Variants in STMN2 observed in about 807,000 individuals in gnomAD.
STMN2 encodes the protein stathmin 2.
A neutral mutation model predicts 24.1 loss-of-function variants in STMN2; 2 were observed. The ratio of observed to expected loss-of-function variants is 0.08; its 90% confidence interval spans 0.03 to 0.26. The LOEUF (loss-of-function observed/expected upper bound fraction) is 0.26, where lower values mean the gene tolerates loss of function less well. Ranked by LOEUF, STMN2 falls within the 10% of genes least tolerant of loss-of-function variation. The pLI is 1.00. For missense variants in STMN2, 114 were observed against 213.6 expected (o/e 0.53, Z 2.91); for synonymous variants, 83 against 77.5 (o/e 1.07, Z -0.37).
intron 3 of STMN2, among the ~76,000 whole-genome samples, chr8:79,649,390 G>A (rs1810285680): frequency 6.6e-6 from 1 of 151,926 alleles, no homozygotes; most frequent in African/African-American, 2.4e-5. Context: ...CATTCTAAAG[G>A]TCTTAGGATT....
At chr8:79,648,111 T>C (rs1810254345) in intron 3 of STMN2, among the ~76,000 whole-genome samples, 1 of 152,234 alleles carries the variant, frequency 6.6e-6, no homozygotes, top group African/African-American at 2.4e-5. Context: ...CTTTAAAATA[T>C]TGTCTTTAAG....
intron 1 of STMN2, among the ~76,000 whole-genome samples, chr8:79,616,319 A>G (rs190873426): frequency 6.6e-6 from 1 of 152,386 alleles, no homozygotes; most frequent in Non-Finnish European, 1.5e-5. Flanking sequence ...TGTTAATTTT[A>G]ACGAAGTAAG....
At chr8:79,619,621 G>A (rs994340022) in intron 1 of STMN2, among the ~76,000 whole-genome samples, 1 of 152,070 alleles carries the variant, frequency 6.6e-6, no homozygotes, top group African/African-American at 2.4e-5. Flanking sequence ...GCACTTTTAG[G>A]ATAGACTTAT....
intron 4 of STMN2, 64 bp from the exon 5 acceptor site, chr8:79,664,751 A>AAGGTTACTTCTAGTCAAGGTTACTTC (rs1806566390): frequency 6.5e-7 from 1 of 1,536,720 alleles, no homozygotes; most frequent in African/African-American, 1.4e-5. Flanking sequence ...AGTCAAGCGC[A>AAGGTTACTTCTAGTCAAGGTTACTTC]TGGTACGCAA....
intron 1 of STMN2, among the ~76,000 whole-genome samples, chr8:79,612,635 C>T (rs1052934214): frequency 9.2e-5 from 14 of 152,134 alleles, no homozygotes; most frequent in Non-Finnish European, 1.5e-4. Flanking sequence ...ACGGTTCTGG[C>T]GCTCAGTGGC....
intron 1 of STMN2, among the ~76,000 whole-genome samples, chr8:79,635,875 C>T (rs943217902): frequency 6.6e-6 from 1 of 151,586 alleles, no homozygotes; most frequent in African/African-American, 2.4e-5. Flanking sequence ...AAAGACTGCA[C>T]ATATACCCCT....
At chr8:79,656,330 T>C (rs775502011) in intron 4 of STMN2, among the ~76,000 whole-genome samples, 2 of 152,190 alleles carry the variant, frequency 1.3e-5, no homozygotes, top group Non-Finnish European at 2.9e-5. Flanking sequence ...AGTTACCTGA[T>C]GCCTTATCCG....
intron 1 of STMN2, among the ~76,000 whole-genome samples, chr8:79,621,788 GTACT>G (rs1809521508): frequency 6.6e-6 from 1 of 152,148 alleles, no homozygotes; most frequent in South Asian, 2.1e-4. Flanking sequence ...ATAAAACTCA[GTACT>G]TACTTTGCTT....
chr8:79,611,150 C>A lies in STMN2; in HGVS notation c.-46C>A. On this transcript the variant is annotated 5_prime_UTR_variant, in exon 1 of 5. Transcript: ENST00000220876. ...CTCTCGCTCTCTCCGCTGCTGTAGC[C>A]GGACCCTTTGCCTTCGCCACTGCTC... is the stretch of plus-strand genomic sequence containing the variant. The A allele has an allele frequency of 1.2e-6, 2 of 1,613,668 alleles. No individual in the cohort carries two copies. Among genetic ancestry groups the A allele is most frequent in the South Asian group, 1.1e-5 (1 of 91,018 alleles).
At chr8:79,650,259 C>T (rs990244759) in intron 3 of STMN2, among the ~76,000 whole-genome samples, 1 of 152,164 alleles carries the variant, frequency 6.6e-6, no homozygotes, top group African/African-American at 2.4e-5. Context: ...TTTTTAACAA[C>T]TTTTAGCGAT....
intron 1 of STMN2, among the ~76,000 whole-genome samples, chr8:79,619,422 G>A (rs1242880271): frequency 6.6e-6 from 1 of 152,024 alleles, no homozygotes; most frequent in East Asian, 1.9e-4. Context: ...CATTAACAAA[G>A]CTGCTCACAG....
intron 3 of STMN2, among the ~76,000 whole-genome samples, chr8:79,644,442 C>T (rs868325943): frequency 3.3e-5 from 5 of 152,292 alleles, no homozygotes; most frequent in East Asian, 3.9e-4. Flanking sequence ...ACAAAAGTCC[C>T]GAAATTGAGT....
chr8:79,641,665 C>CACAT (rs773727938), intron 3 of STMN2, 115 bp downstream of exon 3: 1 of 775,438 alleles, frequency 1.3e-6, no homozygotes. Flanking sequence ...CACACACACA[C>CACAT]ACACACATAC....
chr8:79,648,453 C>CTTTTTTTTTTTT, intron 3 of STMN2, among the ~76,000 whole-genome samples: 1 of 97,914 alleles, frequency 1.0e-5, no homozygotes, highest in Non-Finnish European at 1.9e-5. Flanking sequence ...ATATACGTTG[C>CTTTTTTTTTTTT]TTTTTTTTTT....
intron 3 of STMN2, among the ~76,000 whole-genome samples, chr8:79,649,925 G>A (rs1765623002): frequency 2.0e-5 from 3 of 152,062 alleles, no homozygotes; most frequent in Non-Finnish European, 4.4e-5. Context: ...CTCCTTTCCT[G>A]TCTCATTGTT....
chr8:79,621,621 C>T (rs769643346), intron 1 of STMN2, among the ~76,000 whole-genome samples: 1 of 152,174 alleles, frequency 6.6e-6, no homozygotes, highest in Non-Finnish European at 1.5e-5. Flanking sequence ...TTGTTACAGT[C>T]AATCCACATC....
intron 1 of STMN2, among the ~76,000 whole-genome samples, chr8:79,624,928 C>A (rs1255863261): frequency 6.6e-6 from 1 of 152,200 alleles, no homozygotes; most frequent in Non-Finnish European, 1.5e-5. Flanking sequence ...TGTTATTTAT[C>A]ATTCACCTGC....
Position 79,618,373 on chromosome 8 carries a change from T to C in STMN2, c.19+7159T>C, listed in dbSNP as rs550577979. 3.3e-5 allele frequency among the ~76,000 whole-genome samples: 5 copies of C among 152,266 alleles called. No individual in the cohort carries two copies. The East Asian group carries it at 9.7e-4, about 29-fold the overall frequency. The stretch of plus-strand genomic sequence containing the variant: ...GGTGGGAACACACTCTGATGACCAG[T>C]TCCAGAAATAACATTGACTTAATCT... On this transcript the variant is annotated intron_variant, in intron 1 of 4. Coordinates refer to ENST00000220876, the MANE Select transcript of STMN2 (RefSeq NM_007029.4).
At chr8:79,628,215 G>A (rs1809707272) in intron 1 of STMN2, among the ~76,000 whole-genome samples, 1 of 151,912 alleles carries the variant, frequency 6.6e-6, no homozygotes, top group Non-Finnish European at 1.5e-5. Flanking sequence ...CCAGGCTGGA[G>A]TACAGTGGTG....
Sources: allele counts gnomAD v4.1 joint callset (sites outside exome capture counted in the v4.1 genomes callset), GRCh38; gene constraint gnomAD v4.1.1; transcripts MANE v1.5; gene names NCBI Gene and HGNC (gene_info 2026-07-23, HGNC 2026-07-21).